DDX49: variants seen among roughly 807,000 people sequenced by gnomAD.
The protein encoded by DDX49 is probable ATP-dependent RNA helicase DDX49.
A neutral mutation model predicts 56.3 loss-of-function variants in DDX49; 50 were observed. The ratio of observed to expected loss-of-function variants is 0.89; its 90% CI spans 0.71 to 1.12. The LOEUF (loss-of-function observed/expected upper bound fraction) is 1.12, where lower values mean the gene tolerates loss of function less well. Among genes scored for constraint, DDX49 ranks in the 50% most tolerant of loss-of-function variants. The pLI is 0.00. For missense variants in DDX49, 614 were observed against 650.5 expected (o/e 0.94, Z 0.61); for synonymous variants, 269 against 270.6 (o/e 0.99, Z 0.06).
Position 18,922,332 on chromosome 19 carries a change from GA to G in DDX49, c.455del (p.Asp152ValfsTer38). On this transcript the variant is annotated frameshift_variant, in exon 5 of 13. Transcript: ENST00000247003. LOFTEE classifies it high-confidence loss of function. ...SIKKIRFLVM[D>X]EADRLLEQGC... ...GCCCCCATTGGCACGGCAGGTGATGGATGAGGCAGACCGGCTGCTGGAACAG... is the reference window on the plus strand; with the variant it reads ...GCCCCCATTGGCACGGCAGGTGATGGTGAGGCAGACCGGCTGCTGGAACAG... 1 of 1,610,778 alleles carries G rather than the reference GA, an allele frequency of 6.2e-7. No individual in the cohort carries two copies. The highest frequency in any genetic ancestry group is 1.3e-5 in the African/African-American group (1 of 75,054).
rs1007683547 is a variant in DDX49 at position 18,927,855 on chromosome 19, G to A, written c.1191+1G>A. On this transcript the variant is annotated splice_donor_variant, in intron 11 of 12. Coordinates refer to ENST00000247003, the MANE Select transcript of DDX49 (RefSeq NM_019070.5). LOFTEE classifies it high-confidence loss of function. ...CGTGGTGCGAAGAGAGTGTGAGATCGTGAGTGTCAGAGGCGGGCAGGAACT... is the reference window on the plus strand; with the variant it reads ...CGTGGTGCGAAGAGAGTGTGAGATCATGAGTGTCAGAGGCGGGCAGGAACT... 4.3e-6 allele frequency: 7 copies of A among 1,614,030 alleles called. No homozygotes were observed. The highest frequency in any genetic ancestry group is 1.3e-5 in the African/African-American group (1 of 74,994).
chr19:18,924,540 T>A, intron 7 of DDX49, 83 bp from the exon 8 acceptor site: 1 of 1,467,678 alleles, frequency 6.8e-7, no homozygotes, highest in Non-Finnish European at 9.5e-7. Context: ...CTGGGGACTG[T>A]CCCGGCCTCC....
At chr19:18,927,384 A>AT (rs1369763720) in intron 10 of DDX49, among the ~76,000 whole-genome samples, 7 of 152,192 alleles carry the variant, frequency 4.6e-5, no homozygotes, top group Non-Finnish European at 8.8e-5. Flanking sequence ...TCAAAAAAAA[A>AT]GAAAGAAATA....
Position 18,926,292 on chromosome 19 carries a change from C to G in DDX49, c.1028-11C>G. 1.3e-6 allele frequency: 2 copies of G among 1,569,196 alleles called. No homozygotes were observed. The highest frequency in any genetic ancestry group is 1.7e-6 in the Non-Finnish European group (2 of 1,156,732). On this transcript the variant is annotated splice_polypyrimidine_tract_variant and intron_variant, in intron 9 of 12. Transcript: ENST00000247003. ...CCCAGCACATAGCAGATAACCGGCA[C>G]ATCCCCACAGGGCGGCAGGGTCAGG...
Position 18,922,466 on chromosome 19 carries a change from G to T in DDX49, c.588G>T (p.Leu196=). ...SATLTDTLRE[L]QGLATNQPFF... is the part of the protein sequence containing the mutation. The stretch of plus-strand genomic sequence containing the variant: ...CGCTGACCGACACACTCCGGGAGCT[G>T]CAGGGTCTGGCCACCAACCAGCCCT... Residue 196 remains leucine, a synonymous_variant, in exon 5 of 13, where the codon CTG becomes CTT. Transcript: ENST00000247003. 1.2e-6 allele frequency: 2 copies of T among 1,602,050 alleles called. No individual in the cohort carries two copies. Among genetic ancestry groups the T allele is most frequent in the Non-Finnish European group, 1.7e-6 (2 of 1,177,274 alleles).
At chr19:18,926,415 T>TGGGGGGGGGGGGAAAAAAGGGGGGGGG in intron 10 of DDX49, 38 bp downstream of exon 10, 1 of 132,540 alleles carries the variant, frequency 7.5e-6, no homozygotes, top group South Asian at 7.1e-5. Flanking sequence ...GAAGGAGGGG[T>TGGGGGGGGGGGGAAAAAAGGGGGGGGG]GGGGTGGGCA....
chr19:18,921,514 C>T lies in DDX49; in HGVS notation c.240-149C>T, dbSNP rs566900823. ...GCGAGGGGGCAGGGGCCACAATGGC[C>T]TCCAAGGCTCAGCATCAGAGCCTTT... On this transcript the variant is annotated intron_variant, in intron 2 of 12. Coordinates refer to ENST00000247003, the MANE Select transcript of DDX49 (RefSeq NM_019070.5). 11 of 745,228 alleles carry T rather than the reference C, an allele frequency of 1.5e-5. No individual in the cohort carries two copies. The Admixed American group carries it at 2.2e-4, about 15-fold the overall frequency. 46.2% of individuals were successfully genotyped at this position (745,228 alleles called of 1,614,324 possible).
rs2056971481 is a variant in DDX49, at chr19:18,927,528, C to T, written c.1103-238C>T. Among the ~76,000 whole-genome samples the T allele has an allele frequency of 2.0e-5, 3 of 152,202 alleles. No individual in the cohort carries two copies. In the South Asian group the frequency reaches 6.2e-4, roughly 32 times the overall value. The stretch of plus-strand genomic sequence containing the variant: ...ACTTGAACCCGGGAGGCGGATGTTG[C>T]AGTGAGCCGAGATAGTGCCACTGCA... On this transcript the variant is annotated intron_variant, in intron 10 of 12. Coordinates refer to ENST00000247003, the MANE Select transcript of DDX49 (RefSeq NM_019070.5).
intron 5 of DDX49, 28 bp from the exon 6 acceptor site, chr19:18,922,576 G>A (rs763376503): frequency 1.2e-6 from 2 of 1,603,136 alleles, no homozygotes; most frequent in East Asian, 4.5e-5. Flanking sequence ...GGACACTGAG[G>A]CGTGGCGGTC....
intron 2 of DDX49, 113 bp from the exon 3 acceptor site, chr19:18,921,550 C>T (rs1317160860): frequency 9.9e-6 from 10 of 1,007,132 alleles, no homozygotes; most frequent in African/African-American, 1.6e-5. Context: ...GTGAACAGGA[C>T]TGGGCAAGTC....
chr19:18,927,069 T>TA (rs1690849059), intron 10 of DDX49, among the ~76,000 whole-genome samples: 1 of 67,970 alleles, frequency 1.5e-5, no homozygotes, highest in South Asian at 4.6e-4. Context: ...AGACTCTGTC[T>TA]CAAAAAAAAA....
chr19:18,927,020 C>T (rs1447356183), intron 10 of DDX49, among the ~76,000 whole-genome samples: 1 of 146,994 alleles, frequency 6.8e-6, no homozygotes, highest in Non-Finnish European at 1.5e-5. Flanking sequence ...TTGCAGTGAG[C>T]CAAGGTCGCG....
chr19:18,928,444 C>A lies in DDX49; in HGVS notation c.*128C>A. ...CCCCACAGCAGAACCCGTGGGCGCTCGTGTTGTGCGGGCCCTGCTCCTCTG... is the reference window on the plus strand; with the variant it reads ...CCCCACAGCAGAACCCGTGGGCGCTAGTGTTGTGCGGGCCCTGCTCCTCTG... On this transcript the variant is annotated 3_prime_UTR_variant, in exon 13 of 13. Coordinates refer to ENST00000247003, the MANE Select transcript of DDX49 (RefSeq NM_019070.5). The A allele has an allele frequency of 1.1e-6, 1 of 931,140 alleles. No homozygotes were observed. Among genetic ancestry groups the A allele is most frequent in the Non-Finnish European group, 1.6e-6 (1 of 640,882 alleles). The allele number at this position is 931,140 out of a possible 1,614,324, so 57.7% of individuals were successfully genotyped here.
At chr19:18,920,848 T>A in intron 2 of DDX49, 145 bp downstream of exon 2, 2 of 808,146 alleles carry the variant, frequency 2.5e-6, no homozygotes, top group Non-Finnish European at 1.8e-6. Flanking sequence ...CCTGCAGAAT[T>A]AAACAAGATG....
Position 18,927,989 on chromosome 19 carries a change from GA to G in DDX49, c.1220del (p.Lys407ArgfsTer10). The G allele has an allele frequency of 6.2e-7, 1 of 1,613,784 alleles. No individual in the cohort carries two copies. Among genetic ancestry groups the G allele is most frequent in the Non-Finnish European group, 8.5e-7 (1 of 1,179,954 alleles). ...EIKLEAAHFD[E>X]KKEINKRKQL... ...GAAACTGGAGGCGGCCCACTTTGAC[GA>G]AAAGAAGGAGATCAACAAACGGAAG... On this transcript the variant is annotated frameshift_variant, in exon 12 of 13. Transcript: ENST00000247003. LOFTEE classifies it low-confidence loss of function (END_TRUNC).
At chr19:18,923,638 C>T (rs991058361) in intron 6 of DDX49, among the ~76,000 whole-genome samples, 3 of 152,086 alleles carry the variant, frequency 2.0e-5, no homozygotes, top group Non-Finnish European at 4.4e-5. Context: ...CTGTTTTCCT[C>T]TGCTGGCTCC....
chr19:18,926,393 G>A lies in DDX49; in HGVS notation c.1102+16G>A, dbSNP rs746660023. The A allele has an allele frequency of 2.6e-6, 4 of 1,538,796 alleles. No individual in the cohort carries two copies. Among genetic ancestry groups the A allele is most frequent in the Non-Finnish European group, 3.5e-6 (4 of 1,137,316 alleles). ...GAGCAGATCAGTGAGTGGGGTTGGGGTGGGTGGTAGAGAAGGAGGGGTGGG... is the reference window on the plus strand; with the variant it reads ...GAGCAGATCAGTGAGTGGGGTTGGGATGGGTGGTAGAGAAGGAGGGGTGGG... On this transcript the variant is annotated intron_variant, in intron 10 of 12. Coordinates refer to ENST00000247003, the MANE Select transcript of DDX49 (RefSeq NM_019070.5).
chr19:18,926,102 C>T (rs569198518), intron 9 of DDX49, among the ~76,000 whole-genome samples: 2 of 152,318 alleles, frequency 1.3e-5, no homozygotes, highest in South Asian at 4.1e-4. Context: ...ACTGGCAGAC[C>T]TGCCTCTCCC....
chr19:18,920,076 T>C (rs189335013), intron 1 of DDX49, among the ~76,000 whole-genome samples: 143 of 152,354 alleles, frequency 9.4e-4, no homozygotes, highest in Middle Eastern at 3.4e-3. Flanking sequence ...CTCTGAAATT[T>C]TCATAGTCTC....
Sources: allele counts gnomAD v4.1 joint callset (sites outside exome capture counted in the v4.1 genomes callset), GRCh38; gene constraint gnomAD v4.1.1; transcripts MANE v1.5; gene names NCBI Gene and HGNC (gene_info 2026-07-23, HGNC 2026-07-21).